Variants in KCNIP4 observed in about 807,000 individuals in gnomAD.
KCNIP4 encodes Kv channel-interacting protein 4.
KCNIP4 carries 12 observed loss-of-function variants against 34.0 expected under a neutral mutation model. The observed-to-expected ratio is 0.35, with a 90% CI of 0.23 to 0.57. KCNIP4 has a LOEUF of 0.57. Among genes scored for constraint, KCNIP4 ranks in the 20% least tolerant of loss-of-function variants. The pLI is 0.83. For synonymous variants in KCNIP4, 124 were observed against 102.2 expected (o/e 1.21, Z -1.29); for missense variants, 238 against 311.7 (o/e 0.76, Z 1.78).
At chr4:21,322,124 AGAAG>A (rs1309181924) in intron 1 of KCNIP4, among the ~76,000 whole-genome samples, 68 of 127,710 alleles carry the variant, frequency 5.3e-4, no homozygotes, top group African/African-American at 1.8e-3. Flanking sequence ...GAAGAAAGGA[AGAAG>A]GAAGGAAGGA....
chr4:21,758,030 A>T (rs954767577), intron 1 of KCNIP4, among the ~76,000 whole-genome samples: 1 of 152,176 alleles, frequency 6.6e-6, no homozygotes, highest in African/African-American at 2.4e-5. Flanking sequence ...CCAACTCCCT[A>T]ATTTTACTGT....
intron 1 of KCNIP4, among the ~76,000 whole-genome samples, chr4:21,811,694 GA>G (rs1261309722): frequency 3.3e-5 from 5 of 152,300 alleles, no homozygotes; most frequent in African/African-American, 1.2e-4. Context: ...CTTCCTGTAA[GA>G]CTAAATGAAT....
chr4:20,730,021 A>G lies in KCNIP4; in HGVS notation c.*61T>C. ...AATCTATGCTAAAAGTGGTAGCTCC[A>G]ACTTTAAGGGTGGTAGAATAGTTCA... On this transcript the variant is annotated 3_prime_UTR_variant, in exon 9 of 9. Coordinates refer to ENST00000382152, the MANE Select transcript of KCNIP4 (RefSeq NM_025221.6). 1 of 1,544,338 alleles carries G rather than the reference A, an allele frequency of 6.5e-7. No individual in the cohort carries two copies. The highest frequency in any genetic ancestry group is 8.7e-7 in the Non-Finnish European group (1 of 1,147,634).
At chr4:21,031,133 C>G (rs1282813456) in intron 1 of KCNIP4, among the ~76,000 whole-genome samples, 2 of 152,206 alleles carry the variant, frequency 1.3e-5, no homozygotes, top group Non-Finnish European at 2.9e-5. Context: ...GACTATACAA[C>G]CTTCCTTAGC....
chr4:21,286,281 A>C (rs1763116949), intron 1 of KCNIP4, among the ~76,000 whole-genome samples: 1 of 152,170 alleles, frequency 6.6e-6, no homozygotes, highest in South Asian at 2.1e-4. Context: ...GCTAGTCTGG[A>C]TACCTGCCTA....
At chr4:21,819,590 CAT>C (rs370411332) in intron 1 of KCNIP4, among the ~76,000 whole-genome samples, 24 of 152,122 alleles carry the variant, frequency 1.6e-4, no homozygotes, top group African/African-American at 5.3e-4. Flanking sequence ...ATACTTAACA[CAT>C]GTTTATTAAA....
At chr4:21,599,898 A>C (rs1742963335) in intron 1 of KCNIP4, among the ~76,000 whole-genome samples, 1 of 152,008 alleles carries the variant, frequency 6.6e-6, no homozygotes, top group Non-Finnish European at 1.5e-5. Flanking sequence ...TAAATATAAG[A>C]CTTGACGACA....
chr4:20,914,963 A>G (rs113927239), intron 1 of KCNIP4, among the ~76,000 whole-genome samples: 1 of 152,190 alleles, frequency 6.6e-6, no homozygotes, highest in African/African-American at 2.4e-5. Context: ...GTTCTGTGAA[A>G]AGGCTTAGAT....
chr4:21,575,251 G>A (rs1337828744), intron 1 of KCNIP4, among the ~76,000 whole-genome samples: 1 of 152,100 alleles, frequency 6.6e-6, no homozygotes, highest in Non-Finnish European at 1.5e-5. Flanking sequence ...TACATCAGAG[G>A]CTAGACAGAA....
Position 21,025,561 on chromosome 4 carries a change from T to TG in KCNIP4, c.62-142853_62-142852insC, listed in dbSNP as rs1560656668. ...TGATACTGTTTTTTTTTTTTTTTTTTTTTTTTTTTTGAGACGGAGTCTCAC... is the reference window on the plus strand; with the variant it reads ...TGATACTGTTTTTTTTTTTTTTTTTTGTTTTTTTTTTGAGACGGAGTCTCAC... On this transcript the variant is annotated intron_variant, in intron 1 of 8. Coordinates refer to ENST00000382152, the MANE Select transcript of KCNIP4 (RefSeq NM_025221.6). Among the ~76,000 whole-genome samples, 5 of 128,158 alleles carry TG rather than the reference T, an allele frequency of 3.9e-5. No homozygotes were observed. The East Asian group carries it at 6.4e-4, about 17-fold the overall frequency. The allele number at this position is 128,158 out of a possible 152,430, so 84.1% of individuals were successfully genotyped here.
At chr4:20,978,577 G>A (rs1735713570) in intron 1 of KCNIP4, among the ~76,000 whole-genome samples, 1 of 152,124 alleles carries the variant, frequency 6.6e-6, no homozygotes. Context: ...ACCTCACCCA[G>A]CGTTTTACAT....
intron 1 of KCNIP4, among the ~76,000 whole-genome samples, chr4:21,079,216 C>A (rs971535903): frequency 6.6e-6 from 1 of 151,996 alleles, no homozygotes; most frequent in Non-Finnish European, 1.5e-5. Flanking sequence ...ATCTATGACC[C>A]ATTTTTTGGC....
In KCNIP4 at chr4:21,745,569, C is replaced by T. The variant is rs146657333; in HGVS notation, c.61+203002G>A. ...ACCTACTTTTGTGAGTCTGTACTCT[C>T]AAACTTGGAAAATAGTTATATTATA... On this transcript the variant is annotated intron_variant, in intron 1 of 8. Coordinates refer to ENST00000382152, the MANE Select transcript of KCNIP4 (RefSeq NM_025221.6). Among the ~76,000 whole-genome samples, 293 of 152,176 alleles carry T rather than the reference C, an allele frequency of 1.9e-3. 2 individuals carry two copies. Among genetic ancestry groups the T allele is most frequent in the Non-Finnish European group, 3.7e-3 (254 of 68,012 alleles).
chr4:21,283,282 A>C (rs1762894288), intron 1 of KCNIP4, among the ~76,000 whole-genome samples: 1 of 152,140 alleles, frequency 6.6e-6, no homozygotes, highest in Non-Finnish European at 1.5e-5. Flanking sequence ...ATTTATAAAA[A>C]TTGACTTTTA....
intron 1 of KCNIP4, among the ~76,000 whole-genome samples, chr4:21,346,965 T>C (rs1717496222): frequency 6.6e-6 from 1 of 152,176 alleles, no homozygotes; most frequent in African/African-American, 2.4e-5. Flanking sequence ...CCTAACATCA[T>C]TTTAATTATT....
chr4:20,755,614 T>C (rs1754342624), intron 4 of KCNIP4, among the ~76,000 whole-genome samples: 3 of 152,086 alleles, frequency 2.0e-5, no homozygotes, highest in South Asian at 2.1e-4. Flanking sequence ...AAGTGAAATA[T>C]ATATTATTGG....
intron 1 of KCNIP4, among the ~76,000 whole-genome samples, chr4:21,133,685 C>A (rs1416424811): frequency 6.6e-6 from 1 of 152,132 alleles, no homozygotes; most frequent in Non-Finnish European, 1.5e-5. Flanking sequence ...ACAGTTAAGA[C>A]AATTTTAAAA....
chr4:21,398,420 A>G (rs35614816), intron 1 of KCNIP4, among the ~76,000 whole-genome samples: 31,502 of 152,174 alleles, frequency 0.21, 3,697 homozygotes, highest in Middle Eastern at 0.3. Context: ...TGTCATTTTA[A>G]TGGTATGGTA....
At chr4:20,910,220 A>G (rs1728197864) in intron 1 of KCNIP4, among the ~76,000 whole-genome samples, 1 of 152,046 alleles carries the variant, frequency 6.6e-6, no homozygotes, top group Non-Finnish European at 1.5e-5. Context: ...TCTAGCACTC[A>G]AAAGACTTAT....
Sources: allele counts gnomAD v4.1 joint callset (sites outside exome capture counted in the v4.1 genomes callset), GRCh38; gene constraint gnomAD v4.1.1; transcripts MANE v1.5; gene names NCBI Gene and HGNC (gene_info 2026-07-23, HGNC 2026-07-21).